Variants in KIAA1217 observed in about 807,000 individuals in gnomAD.
The protein encoded by KIAA1217 is KIAA1217.
In KIAA1217, 88 loss-of-function variants were observed where a neutral mutation model predicts 163.9. The observed-to-expected ratio is 0.54, with a 90% confidence interval of 0.45 to 0.64. The LOEUF is 0.64. KIAA1217 is among the 30% of genes least tolerant of loss of function. The pLI is 0.00. For missense variants in KIAA1217, 2,372 were observed against 2,475.0 expected, an observed-to-expected ratio of 0.96 and a Z score of 0.88; for synonymous variants, 903 against 923.1, an observed-to-expected ratio of 0.98 and a Z score of 0.39.
intron 1 of KIAA1217, among the ~76,000 whole-genome samples, chr10:23,724,805 G>C (rs1418504045): frequency 6.6e-6 from 1 of 152,162 alleles, no homozygotes. Flanking sequence ...TTTAATGTGA[G>C]TTATGCTTTA....
chr10:24,217,031 CAAAAAAAAAAAAAA>C (rs60303909), intron 1 of KIAA1217, among the ~76,000 whole-genome samples: 1 of 21,322 alleles, frequency 4.7e-5, no homozygotes, highest in South Asian at 3.3e-3. Context: ...GACCTTGTCT[CAAAAAAAAAAAAAA>C]AAAAAAAAAA....
chr10:24,004,816 G>C (rs892872430), intron 1 of KIAA1217, among the ~76,000 whole-genome samples: 1 of 152,222 alleles, frequency 6.6e-6, no homozygotes, highest in Non-Finnish European at 1.5e-5. Flanking sequence ...AGGAAGAAGA[G>C]CAGAAAAGAT....
chr10:24,455,843 G>T (rs999342144), intron 5 of KIAA1217, among the ~76,000 whole-genome samples: 1 of 152,152 alleles, frequency 6.6e-6, no homozygotes, highest in Admixed American at 6.5e-5. Flanking sequence ...AGCCTGATCT[G>T]GGTTCAGAAT....
chr10:24,165,851 T>G (rs2065319455), intron 2 of KIAA1217, among the ~76,000 whole-genome samples: 1 of 152,220 alleles, frequency 6.6e-6, no homozygotes, highest in South Asian at 2.1e-4. Flanking sequence ...TTGCTGAACC[T>G]TTAGCAAGAG....
intron 5 of KIAA1217, among the ~76,000 whole-genome samples, chr10:24,465,989 A>T (rs2062906215): frequency 6.6e-6 from 1 of 152,094 alleles, no homozygotes; most frequent in African/African-American, 2.4e-5. Flanking sequence ...GCTATGTAGG[A>T]CTGATTAATG....
intron 3 of KIAA1217, among the ~76,000 whole-genome samples, chr10:24,412,536 C>T (rs146987941): frequency 3.0e-4 from 45 of 152,340 alleles, no homozygotes; most frequent in African/African-American, 1.0e-3. Flanking sequence ...CTTCTCTTGA[C>T]TGCCAACACA....
chr10:24,124,973 G>C (rs940130497), intron 2 of KIAA1217, among the ~76,000 whole-genome samples: 3 of 152,070 alleles, frequency 2.0e-5, no homozygotes, highest in African/African-American at 7.2e-5. Context: ...CCTCCCCTTA[G>C]AAAGCTGGTA....
chr10:23,849,652 A>G (rs1035221075), intron 1 of KIAA1217, among the ~76,000 whole-genome samples: 64 of 152,146 alleles, frequency 4.2e-4, no homozygotes, highest in African/African-American at 1.4e-3. Context: ...GTGCACATGT[A>G]CCCTAGTACA....
At chr10:23,869,326 A>G (rs1481482668) in intron 1 of KIAA1217, among the ~76,000 whole-genome samples, 1 of 151,960 alleles carries the variant, frequency 6.6e-6, no homozygotes, top group African/African-American at 2.4e-5. Flanking sequence ...TGAATAACAT[A>G]TTAGGTCTCC....
chr10:24,265,682 A>G (rs2076168145), intron 2 of KIAA1217, among the ~76,000 whole-genome samples: 1 of 152,094 alleles, frequency 6.6e-6, no homozygotes, highest in East Asian at 1.9e-4. Context: ...CGCTGAAAAA[A>G]ATAGGATTAC....
At chr10:24,457,337 T>TG (rs2061895263) in intron 5 of KIAA1217, among the ~76,000 whole-genome samples, 1 of 151,438 alleles carries the variant, frequency 6.6e-6, no homozygotes, top group Admixed American at 6.6e-5. Context: ...TTTGTTTGTT[T>TG]TTTGTTTTGT....
At chr10:24,234,119 T>C (rs946495320) in intron 2 of KIAA1217, among the ~76,000 whole-genome samples, 3 of 152,162 alleles carry the variant, frequency 2.0e-5, no homozygotes, top group Non-Finnish European at 4.4e-5. Context: ...ATCCCTAATC[T>C]GAAAATCCAA....
At chr10:24,402,729 G>T (rs1203278255) in intron 3 of KIAA1217, among the ~76,000 whole-genome samples, 2 of 152,008 alleles carry the variant, frequency 1.3e-5, no homozygotes, top group Non-Finnish European at 2.9e-5. Flanking sequence ...CGCCCACTTG[G>T]TCTTTTACAA....
chr10:24,070,117 T>C (rs1564663632), intron 2 of KIAA1217, among the ~76,000 whole-genome samples: 1 of 152,060 alleles, frequency 6.6e-6, no homozygotes. Flanking sequence ...TTTCTTATAA[T>C]GTAGCATTTA....
intron 1 of KIAA1217, among the ~76,000 whole-genome samples, chr10:23,798,101 G>C (rs1220785038): frequency 6.6e-6 from 1 of 152,148 alleles, no homozygotes; most frequent in African/African-American, 2.4e-5. Flanking sequence ...GGAGTGTGAT[G>C]TGCAAGAGAG....
At chr10:23,740,328 C>A (rs1462206910) in intron 1 of KIAA1217, among the ~76,000 whole-genome samples, 1 of 152,050 alleles carries the variant, frequency 6.6e-6, no homozygotes, top group African/African-American at 2.4e-5. Flanking sequence ...TTTTAGGGCT[C>A]CTGTGGTGTA....
chr10:23,934,497 CTTTCT>C (rs1187847093), intron 1 of KIAA1217, among the ~76,000 whole-genome samples: 1 of 98,668 alleles, frequency 1.0e-5, no homozygotes, highest in Non-Finnish European at 2.0e-5. Flanking sequence ...ATCTCATTTT[CTTTCT>C]TTTCTTTTTT....
chr10:24,457,263 G>T (rs1456795490), intron 5 of KIAA1217, among the ~76,000 whole-genome samples: 3 of 152,020 alleles, frequency 2.0e-5, no homozygotes, highest in African/African-American at 7.2e-5. Flanking sequence ...GCTACCTTTG[G>T]TTCAGCCTGC....
chr10:23,854,283 T>C (rs539821750), intron 1 of KIAA1217, among the ~76,000 whole-genome samples: 6 of 152,330 alleles, frequency 3.9e-5, no homozygotes, highest in South Asian at 4.1e-4. Flanking sequence ...CCAGTAGTCA[T>C]TCAGGAGCAG....
Sources: gnomAD v4.1 joint callset for allele counts (sites outside exome capture counted in the v4.1 genomes callset) on GRCh38, gnomAD v4.1.1 for gene constraint, MANE v1.5 for transcripts, NCBI Gene and HGNC (gene_info 2026-07-23, HGNC 2026-07-21) for gene names.